Variants in ATP8A2 observed in about 807,000 individuals in gnomAD.
ATP8A2 encodes phospholipid-transporting ATPase IB.
In ATP8A2, 100 loss-of-function variants were observed where a neutral mutation model predicts 165.6. The observed-to-expected ratio is 0.60, with a 90% CI of 0.51 to 0.71. The LOEUF is 0.71. Ranked by LOEUF, ATP8A2 falls within the 30% of genes least tolerant of loss-of-function variation. ATP8A2 has a pLI of 0.00. For missense variants in ATP8A2, 1,227 were observed against 1,479.5 expected (o/e 0.83, Z 2.80); for synonymous variants, 543 against 548.8 (o/e 0.99, Z 0.15).
At chr13:26,006,587 T>C (rs7987453) in intron 35 of ATP8A2, among the ~76,000 whole-genome samples, 6,577 of 152,118 alleles carry the variant, frequency 0.043, 434 homozygotes, top group African/African-American at 0.14. Context: ...TGTCTTCTTC[T>C]TGAACATGGA....
chr13:25,767,877 G>A (rs964379874), intron 25 of ATP8A2, among the ~76,000 whole-genome samples: 6 of 152,146 alleles, frequency 3.9e-5, no homozygotes, highest in African/African-American at 1.4e-4. Flanking sequence ...GAGATGTCAG[G>A]TAGCACTTCA....
intron 1 of ATP8A2, among the ~76,000 whole-genome samples, chr13:25,425,337 C>T (rs548644560): frequency 4.1e-4 from 63 of 152,156 alleles, no homozygotes; most frequent in African/African-American, 1.5e-3. Flanking sequence ...CAGCACCCCC[C>T]AATGCCTGAA....
intron 15 of ATP8A2, among the ~76,000 whole-genome samples, 187 bp from the exon 16 acceptor site, chr13:25,563,769 G>A (rs1363413759): frequency 6.6e-6 from 1 of 152,088 alleles, no homozygotes; most frequent in Non-Finnish European, 1.5e-5. Context: ...CTTATTTATA[G>A]TAAACTCCAG....
intron 1 of ATP8A2, among the ~76,000 whole-genome samples, chr13:25,392,623 C>T (rs894180116): frequency 9.2e-5 from 14 of 152,124 alleles, no homozygotes; most frequent in Non-Finnish European, 5.9e-5. Context: ...CATAAACTAG[C>T]CTTTTATAAA....
At chr13:25,438,762 G>C (rs1464093940) in intron 1 of ATP8A2, among the ~76,000 whole-genome samples, 2 of 152,144 alleles carry the variant, frequency 1.3e-5, no homozygotes, top group African/African-American at 4.8e-5. Context: ...AGCCTAGTTG[G>C]CTGGGTTTTT....
chr13:25,930,369 C>A (rs1452851423), intron 33 of ATP8A2, among the ~76,000 whole-genome samples: 1 of 151,838 alleles, frequency 6.6e-6, no homozygotes, highest in Admixed American at 6.6e-5. Context: ...CCACCTCCGC[C>A]CCCATCCCCC....
In ATP8A2 at chr13:25,509,533, T is replaced by C. The variant is rs188177101; in HGVS notation, c.222-20466T>C. 3.0e-3 allele frequency among the ~76,000 whole-genome samples: 462 copies of C among 152,262 alleles called. 1 individual carries two copies. The highest frequency in any genetic ancestry group is 4.9e-3 in the Non-Finnish European group (331 of 68,012). ...TATTTAATAAAAATAGTATGTTTTC[T>C]GGATAACGTGATGTATTTTTCAGCC... On this transcript the variant is annotated intron_variant, in intron 2 of 36. Coordinates refer to ENST00000381655, the MANE Select transcript of ATP8A2 (RefSeq NM_016529.6).
In ATP8A2 at chr13:25,372,369, G is replaced by A. The variant is rs1016127427; in HGVS notation, c.76+81G>A. On this transcript the variant is annotated intron_variant, in intron 1 of 36. Transcript: ENST00000381655. This position sits in a 1 kb window ranked among gnomAD's most constrained non-coding sequence, Gnocchi z 4.8. ...GGCGCGCCTGCGGTTATGCGACACT[G>A]CCCCGCCCGCGCCCCGCTCCCCTCC... is the stretch of plus-strand genomic sequence containing the variant. 15 of 1,017,754 alleles carry A rather than the reference G, an allele frequency of 1.5e-5. No homozygotes were observed. The highest frequency in any genetic ancestry group is 4.4e-5 in the Admixed American group (1 of 22,964). 63.0% of individuals were successfully genotyped at this position (1,017,754 alleles called of 1,614,324 possible).
At chr13:25,580,038 A>G in intron 22 of ATP8A2, 91 bp downstream of exon 22, 1 of 1,415,242 alleles carries the variant, frequency 7.1e-7, no homozygotes, top group Admixed American at 1.9e-5. Flanking sequence ...TTTACTATGT[A>G]GGGATGTTCT....
chr13:26,009,031 T>C (rs1401142417), intron 35 of ATP8A2, among the ~76,000 whole-genome samples: 1 of 152,228 alleles, frequency 6.6e-6, no homozygotes, highest in Non-Finnish European at 1.5e-5. Context: ...TACATATCTA[T>C]GAAGCAACAG....
intron 4 of ATP8A2, among the ~76,000 whole-genome samples, chr13:25,531,235 G>GTTATATATGTTATATATGATATATGTT (rs1566228964): frequency 1.9e-4 from 19 of 101,232 alleles, no homozygotes; most frequent in African/African-American, 7.8e-4. Flanking sequence ...TGTTATATAT[G>GTTATATATGTTATATATGATATATGTT]ATATATATGT....
chr13:25,459,102 T>TTA (rs1247804221), intron 1 of ATP8A2, among the ~76,000 whole-genome samples: 1 of 152,168 alleles, frequency 6.6e-6, no homozygotes, highest in Non-Finnish European at 1.5e-5. Flanking sequence ...ATCCCAACTA[T>TTA]TCCCCATGCC....
intron 10 of ATP8A2, among the ~76,000 whole-genome samples, chr13:25,544,322 A>G (rs1337357024): frequency 1.3e-5 from 2 of 152,256 alleles, no homozygotes. Context: ...AGTGGACTAC[A>G]TGCTAAGAAT....
intron 33 of ATP8A2, among the ~76,000 whole-genome samples, chr13:25,907,480 A>G (rs1159533333): frequency 2.0e-5 from 3 of 152,372 alleles, no homozygotes; most frequent in South Asian, 2.1e-4. Context: ...TCTAGATGAC[A>G]GTGGTCTTAG....
At chr13:25,724,150 C>T (rs953764864) in intron 25 of ATP8A2, among the ~76,000 whole-genome samples, 2 of 152,188 alleles carry the variant, frequency 1.3e-5, no homozygotes, top group Non-Finnish European at 2.9e-5. Flanking sequence ...CTTGATTTTA[C>T]ACTTGGGAGA....
chr13:25,862,275 G>A lies in ATP8A2; in HGVS notation c.3076-26G>A, dbSNP rs1037760584. Reference sequence around the variant, plus strand: ...ATCTGCCAGGCTGGTCGAGAAGCCTGTCTGAGTGTCTATTTCCCTCTGCAG... The same window carrying A: ...ATCTGCCAGGCTGGTCGAGAAGCCTATCTGAGTGTCTATTTCCCTCTGCAG... On this transcript the variant is annotated intron_variant, in intron 32 of 36. Transcript: ENST00000381655. 1.9e-6 allele frequency: 3 copies of A among 1,576,226 alleles called. No individual in the cohort carries two copies. In the African/African-American group the frequency reaches 4.0e-5, roughly 21 times the overall value.
At chr13:25,415,467 G>C (rs1374741471) in intron 1 of ATP8A2, among the ~76,000 whole-genome samples, 1 of 152,194 alleles carries the variant, frequency 6.6e-6, no homozygotes, top group East Asian at 1.9e-4. Flanking sequence ...TTATTCTCTA[G>C]CCTACAGCAG....
At chr13:25,432,049 A>T (rs2034629139) in intron 1 of ATP8A2, among the ~76,000 whole-genome samples, 1 of 152,180 alleles carries the variant, frequency 6.6e-6, no homozygotes, top group African/African-American at 2.4e-5. Context: ...TCATCTGTGT[A>T]GTAGCTTGAA....
rs1040910824 is a variant in ATP8A2, at chr13:26,022,390, G to T, written c.*2405G>T. 6.6e-6 allele frequency: 1 copy of T among 152,216 alleles called. No homozygotes were observed. The highest frequency in any genetic ancestry group is 2.4e-5 in the African/African-American group (1 of 41,448). 9.4% of individuals were successfully genotyped at this position (152,216 alleles called of 1,614,324 possible). On this transcript the variant is annotated 3_prime_UTR_variant, in exon 37 of 37. Transcript: ENST00000381655. ...AAATCAGAATTATGTATTTAAGTGT[G>T]TGTTTGTGTTTGTTTGGGGTTTTTG...
Sources: gnomAD v4.1 joint callset for allele counts (sites outside exome capture counted in the v4.1 genomes callset) on GRCh38, gnomAD v4.1.1 for gene constraint, Gnocchi (gnomAD v3.1) non-coding constraint, MANE v1.5 for transcripts, NCBI Gene and HGNC (gene_info 2026-07-23, HGNC 2026-07-21) for gene names.